POU6F2: variants seen among roughly 807,000 people sequenced by gnomAD.
The protein encoded by POU6F2 is POU domain, class 6, transcription factor 2.
POU6F2 carries 31 observed loss-of-function variants against 71.3 expected under a neutral mutation model. That is an observed-to-expected ratio of 0.43 (90% confidence interval 0.33 to 0.59). The LOEUF (loss-of-function observed/expected upper bound fraction) is 0.59. POU6F2 is among the 20% of genes least tolerant of loss of function. POU6F2 has a pLI of 0.04. For synonymous variants in POU6F2, 347 were observed against 355.7 expected, an observed-to-expected ratio of 0.98 and a Z score of 0.27; for missense variants, 783 against 856.8, an observed-to-expected ratio of 0.91 and a Z score of 1.07.
intron 4 of POU6F2, among the ~76,000 whole-genome samples, chr7:39,322,872 A>G (rs994498544): frequency 2.5e-4 from 38 of 152,184 alleles, no homozygotes; most frequent in African/African-American, 8.9e-4. Context: ...AGGTCACATG[A>G]TTTATAGGTA....
intron 4 of POU6F2, among the ~76,000 whole-genome samples, chr7:39,245,205 C>T (rs1313374935): frequency 6.6e-6 from 1 of 152,156 alleles, no homozygotes; most frequent in Non-Finnish European, 1.5e-5. Context: ...AAATATCTGG[C>T]CCTGCATTAA....
intron 2 of POU6F2, among the ~76,000 whole-genome samples, chr7:39,158,265 A>G (rs1792915512): frequency 6.6e-6 from 1 of 152,188 alleles, no homozygotes; most frequent in Non-Finnish European, 1.5e-5. Context: ...GTAAGTGATT[A>G]TTAAATATTC....
chr7:39,038,104 A>G (rs1290447779), intron 1 of POU6F2, among the ~76,000 whole-genome samples: 1 of 152,054 alleles, frequency 6.6e-6, no homozygotes, highest in Non-Finnish European at 1.5e-5. Flanking sequence ...TTCAAAAATT[A>G]AGGAATAAAA....
intron 4 of POU6F2, among the ~76,000 whole-genome samples, chr7:39,297,487 G>C (rs1021507287): frequency 6.6e-6 from 1 of 152,086 alleles, no homozygotes; most frequent in African/African-American, 2.4e-5. Flanking sequence ...ACTACTACTT[G>C]AACCAAAAAG....
At chr7:39,211,808 AC>A (rs1361467213) in intron 4 of POU6F2, among the ~76,000 whole-genome samples, 13 of 152,068 alleles carry the variant, frequency 8.5e-5, no homozygotes, top group Admixed American at 3.3e-4. Flanking sequence ...TAATCCCCAC[AC>A]CCAGAATGAC....
intron 5 of POU6F2, among the ~76,000 whole-genome samples, chr7:39,353,485 G>C (rs1194551816): frequency 6.6e-6 from 1 of 152,106 alleles, no homozygotes; most frequent in African/African-American, 2.4e-5. Context: ...TAATATATAC[G>C]TATGCATGGA....
intron 6 of POU6F2, among the ~76,000 whole-genome samples, chr7:39,423,642 T>C (rs1259405290): frequency 6.6e-6 from 1 of 152,262 alleles, no homozygotes; most frequent in Non-Finnish European, 1.5e-5. Flanking sequence ...TATTAATATT[T>C]GTACAAATAT....
chr7:39,046,291 T>A (rs1175635792), intron 1 of POU6F2, among the ~76,000 whole-genome samples: 1 of 151,940 alleles, frequency 6.6e-6, no homozygotes, highest in Non-Finnish European at 1.5e-5. Flanking sequence ...TTCTCATTTT[T>A]AAATTGAGTT....
chr7:39,306,219 C>T (rs1284921061), intron 4 of POU6F2, among the ~76,000 whole-genome samples: 1 of 152,212 alleles, frequency 6.6e-6, no homozygotes, highest in Non-Finnish European at 1.5e-5. Flanking sequence ...AATAAAGTCA[C>T]GCTTGCTTAT....
At chr7:39,315,217 A>T (rs1785240735) in intron 4 of POU6F2, among the ~76,000 whole-genome samples, 1 of 152,128 alleles carries the variant, frequency 6.6e-6, no homozygotes, top group South Asian at 2.1e-4. Flanking sequence ...CCTAGGAGAG[A>T]ATCTTCTTTT....
chr7:39,037,904 A>T (rs1790100918), intron 1 of POU6F2, among the ~76,000 whole-genome samples: 1 of 152,050 alleles, frequency 6.6e-6, no homozygotes, highest in African/African-American at 2.4e-5. Context: ...GCCCCATATT[A>T]GTTTAAGCAA....
At chr7:39,164,099 C>G (rs191463962) in intron 2 of POU6F2, among the ~76,000 whole-genome samples, 1 of 151,900 alleles carries the variant, frequency 6.6e-6, no homozygotes, top group Non-Finnish European at 1.5e-5. Flanking sequence ...TTTAAGAGCT[C>G]TTACCACAAA....
chr7:39,161,930 T>A (rs186593961), intron 2 of POU6F2, among the ~76,000 whole-genome samples: 1 of 152,328 alleles, frequency 6.6e-6, no homozygotes, highest in African/African-American at 2.4e-5. Context: ...AATGTTTATT[T>A]CACCTGCATG....
chr7:38,996,846 G>T (rs1012145075), intron 1 of POU6F2, among the ~76,000 whole-genome samples: 1 of 151,960 alleles, frequency 6.6e-6, no homozygotes, highest in Non-Finnish European at 1.5e-5. Flanking sequence ...CTGAATCTTG[G>T]GCCCTCAGTC....
chr7:39,160,769 G>C (rs1268318533), intron 2 of POU6F2, among the ~76,000 whole-genome samples: 2 of 152,112 alleles, frequency 1.3e-5, no homozygotes, highest in Non-Finnish European at 1.5e-5. Flanking sequence ...TATGGTAGTT[G>C]TGAACTTGTA....
At chr7:39,070,194 A>T (rs1472653781) in intron 1 of POU6F2, among the ~76,000 whole-genome samples, 1 of 152,186 alleles carries the variant, frequency 6.6e-6, no homozygotes, top group African/African-American at 2.4e-5. Context: ...TGATATAAAG[A>T]CCGTTGTGGT....
At chr7:39,395,596 G>T (rs570671579) in intron 5 of POU6F2, among the ~76,000 whole-genome samples, 3 of 152,318 alleles carry the variant, frequency 2.0e-5, no homozygotes, top group Admixed American at 2.0e-4. Flanking sequence ...CTGTGTCCCT[G>T]GGGGCTGGCA....
Position 39,279,978 on chromosome 7 carries a change from C to A in POU6F2, c.599-59664C>A, listed in dbSNP as rs796214965. On this transcript the variant is annotated intron_variant, in intron 4 of 9. Transcript: ENST00000518318. ...GCCAGGCTGGTCTCGAACTCCTGAC[C>A]TCATGATTAGCCTGCCTTGGCCTCC... Among the ~76,000 whole-genome samples, 9 of 152,192 alleles carry A rather than the reference C, an allele frequency of 5.9e-5. 1 individual carries two copies. The highest frequency in any genetic ancestry group is 1.9e-4 in the African/African-American group (8 of 41,494).
chr7:39,438,195 G>A (rs937082204), intron 7 of POU6F2, among the ~76,000 whole-genome samples: 3 of 131,404 alleles, frequency 2.3e-5, no homozygotes, highest in African/African-American at 9.6e-5. Flanking sequence ...AACATGCGAT[G>A]TTTGGTTTTT....
Sources: allele counts gnomAD v4.1 joint callset (sites outside exome capture counted in the v4.1 genomes callset), GRCh38; gene constraint gnomAD v4.1.1; transcripts MANE v1.5; gene names NCBI Gene and HGNC (gene_info 2026-07-23, HGNC 2026-07-21).